The following FANCD2OS variants were observed in gnomAD, a reference collection of about 807,000 sequenced individuals.
FANCD2OS encodes FANCD2 opposite strand protein.
FANCD2OS carries 11 observed loss-of-function variants against 13.2 expected under a neutral mutation model. The observed-to-expected ratio is 0.83, with a 90% confidence interval of 0.52 to 1.38. The LOEUF is 1.38. Among genes scored for constraint, FANCD2OS ranks in the 40% most tolerant of loss-of-function variants. The probability of loss-of-function intolerance (pLI) is 0.00; values close to 1 mark genes in which losing one functional copy is unlikely to be tolerated. For missense variants in FANCD2OS, 217 were observed against 213.9 expected, an observed-to-expected ratio of 1.01 and a Z score of -0.09; for synonymous variants, 69 against 84.5, an observed-to-expected ratio of 0.82 and a Z score of 1.01.
chr3:10,089,175 C>T (rs572581348), intron 2 of FANCD2OS, among the ~76,000 whole-genome samples: 25 of 152,078 alleles, frequency 1.6e-4, no homozygotes, highest in Middle Eastern at 3.4e-3. Flanking sequence ...ATCCCAGCTA[C>T]TTAGGAGGCT....
chr3:10,104,305 CGCA>C lies in FANCD2OS; in HGVS notation c.467_469del (p.Leu156del). The C allele has an allele frequency of 6.2e-7, 1 of 1,614,134 alleles. No homozygotes were observed. The highest frequency in any genetic ancestry group is 8.5e-7 in the Non-Finnish European group (1 of 1,180,012). ...AGTTGCATACAGCAAGAGGATAGAG[CGCA>C]GCATCTGTTTGCACATAGTGACTGT... On this transcript the variant is annotated inframe_deletion, in exon 2 of 2. Transcript: ENST00000450660.
At chr3:10,087,067 G>A in intron 2 of FANCD2OS, 1 of 1,574,348 alleles carries the variant, frequency 6.4e-7, no homozygotes, top group Non-Finnish European at 8.7e-7. Context: ...CACGTCATGT[G>A]GATTTAAATA....
At chr3:10,107,452 A>AT (rs1000474147) in intron 1 of FANCD2OS, among the ~76,000 whole-genome samples, 1 of 151,338 alleles carries the variant, frequency 6.6e-6, no homozygotes, top group East Asian at 2.0e-4. Flanking sequence ...CGCCCGGCTA[A>AT]TTTTTTTGTA....
intron 2 of FANCD2OS, among the ~76,000 whole-genome samples, chr3:10,084,949 G>A (rs1451656293): frequency 6.6e-6 from 1 of 151,428 alleles, no homozygotes; most frequent in East Asian, 1.9e-4. Context: ...ACACTCAAAA[G>A]GTGTCACTAT....
rs1472649713 is a variant in FANCD2OS, at chr3:10,105,763, AAAAAAAAATTATATATATATAT to A, written c.-8-1003_-8-982del. Among the ~76,000 whole-genome samples, 53 of 71,630 alleles carry A rather than the reference AAAAAAAAATTATATATATATAT, an allele frequency of 7.4e-4. 8 individuals are homozygous for A. The highest frequency in any genetic ancestry group is 5.5e-3 in the African/African-American group (53 of 9,688). 47.0% of individuals were successfully genotyped at this position (71,630 alleles called of 152,430 possible). On this transcript the variant is annotated intron_variant, in intron 1 of 1. Coordinates refer to ENST00000450660, the MANE Select transcript of FANCD2OS (RefSeq NM_001164839.2). ...AAGACTCCATCTAAAAAAAAAAAAA[AAAAAAAAATTATATATATATAT>A]ATATATATATATATATATATATATA...
At chr3:10,097,861 G>A (rs939465816) in intron 2 of FANCD2OS, among the ~76,000 whole-genome samples, 1 of 152,168 alleles carries the variant, frequency 6.6e-6, no homozygotes, top group East Asian at 1.9e-4. Context: ...TTAATTTGGG[G>A]AACTAATAAA....
intron 2 of FANCD2OS, chr3:10,087,400 A>T (rs1236498868): frequency 3.8e-6 from 3 of 798,224 alleles, no homozygotes; most frequent in Non-Finnish European, 5.9e-6. Context: ...CTCTTGCTAT[A>T]CCAAGAAGGT....
chr3:10,086,732 C>G (rs1694229842), intron 2 of FANCD2OS, among the ~76,000 whole-genome samples: 1 of 152,192 alleles, frequency 6.6e-6, no homozygotes, highest in African/African-American at 2.4e-5. Context: ...CCTGTCTCAG[C>G]CTAGCAAAGT....
At chr3:10,102,221 G>A (rs1182769681), downstream of FANCD2OS, among the ~76,000 whole-genome samples, 1 of 146,148 alleles carries the variant, frequency 6.8e-6, no homozygotes, top group Non-Finnish European at 1.5e-5. Flanking sequence ...TCAGCTCACT[G>A]CAACCTCCAC....
At chr3:10,099,174 C>G (rs1307660747), downstream of FANCD2OS, 5 of 1,416,654 alleles carry the variant, frequency 3.5e-6, no homozygotes, top group South Asian at 3.1e-5. Flanking sequence ...CATTTAAACA[C>G]ATTTGAAACA....
chr3:10,101,920 GTT>G (rs1264647213), downstream of FANCD2OS: 3 of 181,862 alleles, frequency 1.6e-5, no homozygotes, highest in African/African-American at 7.0e-5. Context: ...AATAAATTCT[GTT>G]CTAAGTTCTG....
In FANCD2OS at chr3:10,088,937, C is replaced by T. The variant is rs1189879203; in HGVS notation, c.*44-7406G>A. ...TAAAGATGCATCTTCCTCCACATTC[C>T]CTACACTGACCAGGTAAGGGAGTTC... On this transcript the variant is annotated intron_variant, in intron 2 of 2. Transcript: ENST00000524279. 2 of 1,614,052 alleles carry T rather than the reference C, an allele frequency of 1.2e-6. No homozygotes were observed.
downstream of FANCD2OS, chr3:10,099,017 T>C: frequency 1.2e-6 from 2 of 1,612,682 alleles, no homozygotes; most frequent in Admixed American, 3.3e-5. Flanking sequence ...GAATCACTCC[T>C]GAGTATCTCG....
chr3:10,090,018 C>G (rs939381549), intron 2 of FANCD2OS, among the ~76,000 whole-genome samples: 1 of 152,156 alleles, frequency 6.6e-6, no homozygotes, highest in Non-Finnish European at 1.5e-5. Flanking sequence ...AACATAGAAC[C>G]AGGACTCAAA....
chr3:10,081,541 A>C, intron 2 of FANCD2OS: 1 of 985,044 alleles, frequency 1.0e-6, no homozygotes, highest in South Asian at 1.3e-5. Flanking sequence ...ACTGAAATGT[A>C]GAAAAGAAAG....
intron 1 of FANCD2OS, among the ~76,000 whole-genome samples, chr3:10,106,322 G>T (rs1258215104): frequency 2.6e-5 from 4 of 152,116 alleles, no homozygotes; most frequent in Non-Finnish European, 4.4e-5. Context: ...GGGCTGTGAG[G>T]ATATTGCTAA....
chr3:10,094,238 C>T, intron 2 of FANCD2OS: 5 of 1,432,846 alleles, frequency 3.5e-6, no homozygotes, highest in Non-Finnish European at 4.9e-6. Context: ...CCTCAGGGGC[C>T]TTTCAGTGAG....
intron 2 of FANCD2OS, chr3:10,090,260 G>T (rs1297903725): frequency 6.7e-7 from 1 of 1,501,966 alleles, no homozygotes; most frequent in Non-Finnish European, 9.3e-7. Flanking sequence ...GTGCATCATG[G>T]TGTGGGCACG....
chr3:10,085,710 C>A, intron 2 of FANCD2OS: 1 of 828,912 alleles, frequency 1.2e-6, no homozygotes. Context: ...TTTTTCAAAC[C>A]GTTAAACTAT....
Sources: allele counts gnomAD v4.1 joint callset (sites outside exome capture counted in the v4.1 genomes callset), GRCh38; gene constraint gnomAD v4.1.1; transcripts MANE v1.5; gene names NCBI Gene and HGNC (gene_info 2026-07-23, HGNC 2026-07-21).